ABI3BP: variants seen among roughly 807,000 people sequenced by gnomAD.
ABI3BP encodes the protein target of Nesh-SH3.
Under a neutral mutation model 268.6 loss-of-function variants are expected in ABI3BP, and 216 were observed. The observed-to-expected ratio is 0.80, with a 90% CI of 0.72 to 0.90. The LOEUF is 0.90. Ranked by LOEUF, ABI3BP falls within the 40% of genes least tolerant of loss-of-function variation. The pLI is 0.00. For synonymous variants in ABI3BP, 730 were observed against 730.0 expected (o/e 1.00, Z 0.00); for missense variants, 2,090 against 2,182.4 (o/e 0.96, Z 0.84).
intron 49 of ABI3BP, among the ~76,000 whole-genome samples, chr3:100,809,772 A>T (rs890642803): frequency 2.0e-5 from 3 of 152,116 alleles, no homozygotes; most frequent in African/African-American, 7.2e-5. Context: ...TATTAAGAGG[A>T]CTTTTTAAAA....
intron 6 of ABI3BP, among the ~76,000 whole-genome samples, chr3:100,884,029 G>A (rs2040699788): frequency 6.6e-6 from 1 of 151,992 alleles, no homozygotes; most frequent in Non-Finnish European, 1.5e-5. Flanking sequence ...AGTGAAAACA[G>A]CAAGATAGAA....
At chr3:100,956,614 T>G (rs892834249) in intron 1 of ABI3BP, among the ~76,000 whole-genome samples, 1 of 152,160 alleles carries the variant, frequency 6.6e-6, no homozygotes, top group Non-Finnish European at 1.5e-5. Flanking sequence ...ATTTGGGGGT[T>G]TGTTGTTGAG....
intron 14 of ABI3BP, among the ~76,000 whole-genome samples, chr3:100,853,142 A>G (rs1473051455): frequency 6.6e-6 from 1 of 152,232 alleles, no homozygotes; most frequent in African/African-American, 2.4e-5. Flanking sequence ...AGTAGACAGC[A>G]TTTTATATTG....
At chr3:100,836,665 T>G (rs1327555014) in intron 27 of ABI3BP, among the ~76,000 whole-genome samples, 1 of 152,196 alleles carries the variant, frequency 6.6e-6, no homozygotes, top group Non-Finnish European at 1.5e-5. Context: ...GAAAGATCAA[T>G]TTGCATATGA....
chr3:100,917,443 G>A (rs2058948413), intron 2 of ABI3BP, among the ~76,000 whole-genome samples: 2 of 151,058 alleles, frequency 1.3e-5, no homozygotes, highest in Admixed American at 6.6e-5. Context: ...GTTTTGAAAT[G>A]TAAAAAAAAA....
At chr3:100,936,525 TG>T (rs1402773929) in intron 1 of ABI3BP, among the ~76,000 whole-genome samples, 1 of 152,182 alleles carries the variant, frequency 6.6e-6, no homozygotes, top group Non-Finnish European at 1.5e-5. Context: ...CTTTTTTTAT[TG>T]TTTTGAAGAG....
At chr3:100,823,973 T>G (rs2098307392) in intron 36 of ABI3BP, among the ~76,000 whole-genome samples, 1 of 152,240 alleles carries the variant, frequency 6.6e-6, no homozygotes, top group African/African-American at 2.4e-5. Flanking sequence ...AAGTGGACTA[T>G]GTTCATCTTG....
At chr3:100,863,500 G>A (rs2099020348) in intron 12 of ABI3BP, 1 of 156,786 alleles carries the variant, frequency 6.4e-6, no homozygotes, top group African/African-American at 2.4e-5. Context: ...ATTTTTAATA[G>A]AGACGGGGTT....
intron 1 of ABI3BP, among the ~76,000 whole-genome samples, chr3:100,972,384 A>C (rs1465736548): frequency 2.0e-5 from 3 of 152,174 alleles, no homozygotes; most frequent in Non-Finnish European, 4.4e-5. Flanking sequence ...ATGGATGACC[A>C]CTTAGTTTAA....
intron 43 of ABI3BP, chr3:100,816,422 C>T (rs1223300304): frequency 4.6e-5 from 26 of 560,768 alleles, no homozygotes; most frequent in Non-Finnish European, 3.2e-6. Flanking sequence ...GTATGCTAAT[C>T]TCGCTGTAAA....
intron 19 of ABI3BP, 106 bp downstream of exon 19, chr3:100,847,496 C>A (rs564905034): frequency 2.0e-6 from 2 of 977,360 alleles, no homozygotes; most frequent in Non-Finnish European, 3.2e-6. Flanking sequence ...TCAAATGAAC[C>A]GTTTTGAGTA....
intron 5 of ABI3BP, 105 bp downstream of exon 5, chr3:100,886,037 G>T: frequency 2.5e-6 from 2 of 802,828 alleles, no homozygotes; most frequent in Non-Finnish European, 3.6e-6. Flanking sequence ...TAGACCTTAG[G>T]AATTAGCTTA....
chr3:100,801,690 T>G (rs1326600278), intron 51 of ABI3BP, among the ~76,000 whole-genome samples: 1 of 152,056 alleles, frequency 6.6e-6, no homozygotes, highest in African/African-American at 2.4e-5. Flanking sequence ...AAAAAGAAAC[T>G]ATTTTAACAA....
At chr3:100,807,832 T>C (rs1198419007) in intron 50 of ABI3BP, among the ~76,000 whole-genome samples, 1 of 151,988 alleles carries the variant, frequency 6.6e-6, no homozygotes, top group Non-Finnish European at 1.5e-5. Flanking sequence ...GGAAGCACAT[T>C]CAGGAATAGT....
Position 100,902,777 on chromosome 3 carries a change from T to C in ABI3BP, c.260-91A>G, listed in dbSNP as rs1421415573. The C allele has an allele frequency of 1.2e-5, 13 of 1,042,470 alleles. No homozygotes were observed. In the East Asian group the frequency reaches 2.8e-4, roughly 22 times the overall value. The allele number at this position is 1,042,470 out of a possible 1,614,324, so 64.6% of individuals were successfully genotyped here. ...CTACCCTGATTCAGCATTCCCTGAG[T>C]CATCCTCCATAACCGCAGCTCCAGG... On this transcript the variant is annotated intron_variant, in intron 2 of 67. Transcript: ENST00000471714.
rs1356691541 is a variant in ABI3BP, at chr3:100,787,678, A to T, written c.4162+50T>A. 32 of 1,379,212 alleles carry T rather than the reference A, an allele frequency of 2.3e-5. No individual in the cohort carries two copies. In the Admixed American group the frequency reaches 3.0e-4, roughly 13 times the overall value. The allele number at this position is 1,379,212 out of a possible 1,614,324, so 85.4% of individuals were successfully genotyped here. A position where few individuals can be genotyped will look rare whatever the true frequency, so the allele number is the denominator to read the frequency against. On this transcript the variant is annotated intron_variant, in intron 57 of 67. Transcript: ENST00000471714. ...TCAGCAATATCATGAAAATTAAATA[A>T]CACTTATAGTTTTGACAGGATAAAA...
chr3:100,926,433 A>T lies in ABI3BP; in HGVS notation c.128T>A (p.Ile43Asn). Residue 43 changes from isoleucine to asparagine, a missense_variant, in exon 2 of 68, where the codon ATC (isoleucine) becomes AAC (asparagine). Transcript: ENST00000471714. ...ACTTGGACGCAAGAACTTCAAGAGG[A>T]TGGAGTCACTTGTGGTATTGATGTG... ...KVHINTTSDS[I>N]LLKFLRPSPN... 3 of 1,613,408 alleles carry T rather than the reference A, an allele frequency of 1.9e-6. No homozygotes were observed. Among genetic ancestry groups the T allele is most frequent in the Non-Finnish European group, 8.5e-7 (1 of 1,179,542 alleles).
At chr3:100,892,358 C>T (rs192874104) in intron 4 of ABI3BP, among the ~76,000 whole-genome samples, 8 of 152,180 alleles carry the variant, frequency 5.3e-5, no homozygotes, top group Non-Finnish European at 1.5e-5. Context: ...ATTGATGAAA[C>T]CAGACTCCTT....
At chr3:100,799,190 T>C (rs913977196) in intron 51 of ABI3BP, among the ~76,000 whole-genome samples, 3 of 152,152 alleles carry the variant, frequency 2.0e-5, no homozygotes, top group African/African-American at 7.2e-5. Flanking sequence ...ATTCCTTTAA[T>C]AAAAAAACTA....
Sources: allele counts gnomAD v4.1 joint callset (sites outside exome capture counted in the v4.1 genomes callset), GRCh38; gene constraint gnomAD v4.1.1; transcripts MANE v1.5; gene names NCBI Gene and HGNC (gene_info 2026-07-23, HGNC 2026-07-21).